Variants in TMEM116 observed in about 807,000 individuals in gnomAD.
TMEM116 encodes the protein transmembrane protein 116.
In TMEM116, 38 loss-of-function variants were observed where a neutral mutation model predicts 44.3. That is an observed-to-expected ratio of 0.86 (90% CI 0.66 to 1.12). The LOEUF is 1.12. Ranked by LOEUF, TMEM116 falls within the 50% of genes most tolerant of loss-of-function variation. The pLI, the probability that TMEM116 is intolerant of heterozygous loss-of-function variation, is 0.00. For missense variants in TMEM116, 354 were observed against 401.7 expected, an observed-to-expected ratio of 0.88 and a Z score of 1.01; for synonymous variants, 132 against 144.8, an observed-to-expected ratio of 0.91 and a Z score of 0.64.
chr12:111,940,920 A>G (rs2072759715), intron 5 of TMEM116, among the ~76,000 whole-genome samples: 1 of 152,142 alleles, frequency 6.6e-6, no homozygotes, highest in Non-Finnish European at 1.5e-5. Flanking sequence ...TTGAAATGCT[A>G]TCCCTGTAAG....
chr12:111,958,905 C>A (rs1002950829), intron 4 of TMEM116, among the ~76,000 whole-genome samples: 2 of 152,134 alleles, frequency 1.3e-5, no homozygotes, highest in Admixed American at 1.3e-4. Flanking sequence ...GAAAATGGAA[C>A]CAAGATGGAA....
chr12:111,962,461 A>G (rs1470592194), intron 4 of TMEM116, among the ~76,000 whole-genome samples: 1 of 152,214 alleles, frequency 6.6e-6, no homozygotes, highest in Non-Finnish European at 1.5e-5. Flanking sequence ...TGGTACCAAA[A>G]CAGATATATA....
intron 4 of TMEM116, among the ~76,000 whole-genome samples, chr12:111,976,256 A>G (rs117937046): frequency 0.018 from 2,762 of 152,214 alleles, 44 homozygotes; most frequent in Admixed American, 0.032. Context: ...TCTGCCCGAG[A>G]AACCCACAGA....
At chr12:112,002,894 C>G (rs2077347801) in intron 3 of TMEM116, among the ~76,000 whole-genome samples, 1 of 152,162 alleles carries the variant, frequency 6.6e-6, no homozygotes, top group Non-Finnish European at 1.5e-5. Flanking sequence ...GCTATTTGGT[C>G]TGGTTAAAGA....
chr12:111,943,315 T>A lies in TMEM116; in HGVS notation c.265A>T (p.Thr89Ser). Residue 89 changes from threonine (T) to serine (S), a missense_variant, in exon 5 of 11, where the codon ACA becomes TCA. Physicochemically the swap from Thr to Ser is moderately conservative, Grantham distance 58. Transcript: ENST00000552374. ...YTVNYIWYLY[T>S]ELRMKHTQSG... ...TGGGTGTGTTTCATCCTCAGCTCTG[T>A]GTACAAATACCAGATGTAATTGACG... 6.2e-7 allele frequency: 1 copy of A among 1,614,116 alleles called. No homozygotes were observed. Among genetic ancestry groups the A allele is most frequent in the Non-Finnish European group, 8.5e-7 (1 of 1,179,990 alleles).
chr12:112,003,523 G>A (rs1405003170), intron 3 of TMEM116: 5 of 241,908 alleles, frequency 2.1e-5, no homozygotes, highest in South Asian at 1.7e-4. Context: ...AGCCGAGATC[G>A]CACCACTGCA....
rs1477736220 is a variant in TMEM116, at chr12:111,977,614, A to G, written c.210+14144T>C. Among the ~76,000 whole-genome samples, 3 of 152,192 alleles carry G rather than the reference A, an allele frequency of 2.0e-5. No homozygotes were observed. In the East Asian group the frequency reaches 5.8e-4, roughly 29 times the overall value. ...TATGTCAGTAAATTCGGATCTACAT[A>G]AAGAAAAAAAATCAGAGAAGGAATA... is the stretch of plus-strand genomic sequence containing the variant. On this transcript the variant is annotated intron_variant, in intron 4 of 10. Coordinates refer to ENST00000552374, the MANE Select transcript of TMEM116 (RefSeq NM_001193531.2).
intron 1 of TMEM116, among the ~76,000 whole-genome samples, chr12:112,008,921 GCCAAGATCGCA>G (rs1015133058): frequency 6.7e-6 from 1 of 150,296 alleles, no homozygotes; most frequent in African/African-American, 2.5e-5. Flanking sequence ...GTTGCAGTGA[GCCAAGATCGCA>G]CCATTGCACT....
intron 4 of TMEM116, among the ~76,000 whole-genome samples, chr12:111,954,061 C>T (rs941033290): frequency 6.6e-6 from 1 of 150,874 alleles, no homozygotes; most frequent in African/African-American, 2.4e-5. Flanking sequence ...TAATTACACG[C>T]CAATAAAGCT....
chr12:111,965,137 C>G (rs1007268946), intron 4 of TMEM116, among the ~76,000 whole-genome samples: 1 of 152,136 alleles, frequency 6.6e-6, no homozygotes. Flanking sequence ...AGTCTAGGAC[C>G]TCTTCATCGG....
intron 4 of TMEM116, among the ~76,000 whole-genome samples, chr12:111,979,853 C>CTGAAA (rs960813152): frequency 3.3e-5 from 5 of 152,262 alleles, no homozygotes; most frequent in African/African-American, 9.6e-5. Flanking sequence ...CATTATATGT[C>CTGAAA]ATTAGAGAGC....
intron 4 of TMEM116, among the ~76,000 whole-genome samples, chr12:111,977,414 T>C (rs1321033791): frequency 2.6e-5 from 4 of 152,182 alleles, no homozygotes; most frequent in African/African-American, 9.6e-5. Flanking sequence ...TTGCACATTG[T>C]TAATGTGCTA....
At chr12:111,936,524 G>T in intron 8 of TMEM116, 168 bp downstream of exon 8, 1 of 638,986 alleles carries the variant, frequency 1.6e-6, no homozygotes, top group South Asian at 2.8e-5. Flanking sequence ...TTGGGGAAGT[G>T]CAAAAGTCTG....
chr12:111,936,649 A>G (rs1285166349), intron 8 of TMEM116, 43 bp downstream of exon 8: 2 of 1,596,428 alleles, frequency 1.3e-6, no homozygotes, highest in African/African-American at 1.3e-5. Flanking sequence ...CATCCCCTTC[A>G]TTTCCTCATC....
rs1473689995 is a variant in TMEM116, at chr12:112,000,901, T to C, written c.78+2899A>G. The C allele has an allele frequency of 2.1e-5, 9 of 419,880 alleles. No homozygotes were observed. The Admixed American group carries it at 2.2e-4, about 10-fold the overall frequency. 26.0% of individuals were successfully genotyped at this position (419,880 alleles called of 1,614,324 possible). ...TGGTCTATTCTCCAGCCAATGTTCT[T>C]GAGGAATTTCTCTTTGTGCAGCATG... On this transcript the variant is annotated intron_variant, in intron 3 of 10. Coordinates refer to ENST00000552374, the MANE Select transcript of TMEM116 (RefSeq NM_001193531.2).
At chr12:111,959,893 C>T (rs991919719) in intron 4 of TMEM116, among the ~76,000 whole-genome samples, 1 of 152,114 alleles carries the variant, frequency 6.6e-6, no homozygotes, top group Non-Finnish European at 1.5e-5. Context: ...TTTAGACTGC[C>T]ACACAATAAT....
chr12:111,984,837 A>T (rs924874112), intron 4 of TMEM116, among the ~76,000 whole-genome samples: 6 of 150,914 alleles, frequency 4.0e-5, no homozygotes, highest in Middle Eastern at 3.2e-3. Flanking sequence ...CCACAAAATT[A>T]AAAAAAAAAT....
At chr12:112,007,811 TTGG>T (rs1291309497) in intron 1 of TMEM116, among the ~76,000 whole-genome samples, 3 of 152,264 alleles carry the variant, frequency 2.0e-5, no homozygotes, top group African/African-American at 7.2e-5. Context: ...ACTTTTCTCT[TTGG>T]TGTTCTCTTC....
At chr12:112,000,387 G>C (rs2077185562) in intron 3 of TMEM116, among the ~76,000 whole-genome samples, 1 of 152,140 alleles carries the variant, frequency 6.6e-6, no homozygotes, top group Non-Finnish European at 1.5e-5. Context: ...TCAGAAATGA[G>C]AGATAGAAAA....
Sources: gnomAD v4.1 joint callset for allele counts (sites outside exome capture counted in the v4.1 genomes callset) on GRCh38, gnomAD v4.1.1 for gene constraint, MANE v1.5 for transcripts, NCBI Gene and HGNC (gene_info 2026-07-23, HGNC 2026-07-21) for gene names.